Variants in TRRAP observed in about 807,000 individuals in gnomAD.
TRRAP encodes transformation/transcription domain associated protein, also known as transformation/transcription domain-associated protein.
TRRAP carries 41 observed loss-of-function variants against 438.8 expected under a neutral mutation model. The ratio of observed to expected loss-of-function variants is 0.09; its 90% CI spans 0.07 to 0.12. TRRAP has a LOEUF of 0.12. TRRAP is among the 10% of genes least tolerant of loss of function. TRRAP has a pLI of 1.00. For synonymous variants in TRRAP, 1,994 were observed against 1,962.9 expected, an observed-to-expected ratio of 1.02 and a Z score of -0.42; for missense variants, 3,122 against 5,055.1, an observed-to-expected ratio of 0.62 and a Z score of 11.60.
intron 51 of TRRAP, 130 bp from the exon 52 acceptor site, chr7:98,969,975 TGGGAAAG>T: frequency 1.0e-6 from 1 of 990,200 alleles, no homozygotes. Flanking sequence ...TGGGGACAGG[TGGGAAAG>T]GGTGCTGAGC....
In TRRAP at chr7:98,984,886, G is replaced by T. The variant is rs1484302695; in HGVS notation, c.9289-58G>T. 7 of 1,162,192 alleles carry T rather than the reference G, an allele frequency of 6.0e-6. No homozygotes were observed. In the African/African-American group the frequency reaches 1.1e-4, roughly 18 times the overall value. 72.0% of individuals were successfully genotyped at this position (1,162,192 alleles called of 1,614,324 possible). Reference sequence around the variant, plus strand: ...ACTGCCTAGATTAGTATTTTATGAGGTTTTCATATTGTTTAGAAATTTCAA... The same window carrying T: ...ACTGCCTAGATTAGTATTTTATGAGTTTTTCATATTGTTTAGAAATTTCAA... On this transcript the variant is annotated intron_variant, in intron 61 of 72. Coordinates refer to ENST00000456197, the MANE Select transcript of TRRAP (RefSeq NM_001375524.1).
intron 3 of TRRAP, among the ~76,000 whole-genome samples, chr7:98,888,158 A>C (rs1795797639): frequency 6.6e-6 from 1 of 151,638 alleles, no homozygotes; most frequent in African/African-American, 2.4e-5. Context: ...TGAACCTAGG[A>C]GGCAGAGCTT....
intron 41 of TRRAP, 148 bp downstream of exon 41, chr7:98,955,452 T>A (rs1184427109): frequency 3.6e-6 from 3 of 828,026 alleles, no homozygotes; most frequent in Non-Finnish European, 5.5e-6. Flanking sequence ...TGTATGTGTG[T>A]ATGGCTTTAT....
chr7:98,935,453 T>G, intron 27 of TRRAP, 126 bp from the exon 28 acceptor site: 37 of 738,950 alleles, frequency 5.0e-5, no homozygotes, highest in Non-Finnish European at 6.6e-5. Flanking sequence ...CTTTAGGATT[T>G]GAGCTTAGTT....
chr7:98,950,175 A>G lies in TRRAP; in HGVS notation c.5247A>G (p.Lys1749=). The G allele has an allele frequency of 6.2e-7, 1 of 1,614,202 alleles. No individual in the cohort carries two copies. Among genetic ancestry groups the G allele is most frequent in the Non-Finnish European group, 8.5e-7 (1 of 1,180,038 alleles). The change falls in exon 38 of 73, where the codon AAA becomes AAG. Residue 1749 remains lysine (K), a synonymous_variant. Transcript: ENST00000456197. The part of the protein sequence containing the change: ...LKEYMEEEIP[K]NYSIAQKRAL... ...AGTATATGGAGGAAGAGATTCCCAAAAATTACAGCATCGCTCAGAAACGTG... is the reference window on the plus strand; with the variant it reads ...AGTATATGGAGGAAGAGATTCCCAAGAATTACAGCATCGCTCAGAAACGTG...
At chr7:98,923,317 A>G (rs1421436867) in intron 21 of TRRAP, among the ~76,000 whole-genome samples, 1 of 152,176 alleles carries the variant, frequency 6.6e-6, no homozygotes, top group Admixed American at 6.5e-5. Flanking sequence ...GTAGGATCGT[A>G]AAGGTCTGGG....
At chr7:98,927,020 G>C (rs1200557031) in intron 22 of TRRAP, 147 bp from the exon 23 acceptor site, 7 of 865,544 alleles carry the variant, frequency 8.1e-6, no homozygotes, top group African/African-American at 1.7e-5. Flanking sequence ...CTCCATCCAG[G>C]TGTTGCTGAA....
rs1381786592 is a variant in TRRAP, at chr7:98,956,055, T to C, written c.5938-91T>C. ...GTGTATGTTGGGGCTGAGAGGCATG[T>C]CGGGGGTGTGTGTGTGCACGTGCGC... is the stretch of plus-strand genomic sequence containing the variant. On this transcript the variant is annotated intron_variant, in intron 41 of 72. Coordinates refer to ENST00000456197, the MANE Select transcript of TRRAP (RefSeq NM_001375524.1). The surrounding 1 kb of genome is among the most constrained non-coding windows in gnomAD (Gnocchi z 4.5). 9.6e-6 allele frequency: 14 copies of C among 1,458,848 alleles called. No homozygotes were observed. The African/African-American group carries it at 1.8e-4, about 19-fold the overall frequency. 90.4% of individuals were successfully genotyped at this position (1,458,848 alleles called of 1,614,324 possible). A position where few individuals can be genotyped will look rare whatever the true frequency, so the allele number is the denominator to read the frequency against.
In TRRAP at chr7:98,906,164, G is replaced by A. The variant is rs1796718596; in HGVS notation, c.1037-13G>A. The A allele has an allele frequency of 1.2e-6, 2 of 1,612,826 alleles. No homozygotes were observed. Among genetic ancestry groups the A allele is most frequent in the Non-Finnish European group, 1.7e-6 (2 of 1,179,088 alleles). On this transcript the variant is annotated splice_polypyrimidine_tract_variant and intron_variant, in intron 12 of 72. Coordinates refer to ENST00000456197, the MANE Select transcript of TRRAP (RefSeq NM_001375524.1). ...TTTGTTAGTGATCTGTGCAATGGAT[G>A]TTTGTCTTCTAGAGTTCATTCCTTG...
chr7:98,958,432 TG>T (rs1791728184), intron 44 of TRRAP, among the ~76,000 whole-genome samples: 1 of 152,154 alleles, frequency 6.6e-6, no homozygotes, highest in Admixed American at 6.5e-5. Flanking sequence ...CCTGAGTTGC[TG>T]GGATTACAGG....
In TRRAP at chr7:98,981,843, C is replaced by T. The variant is rs755970627; in HGVS notation, c.8709C>T (p.Pro2903=). 6.2e-6 allele frequency: 10 copies of T among 1,606,380 alleles called. No individual in the cohort carries two copies. The highest frequency in any genetic ancestry group is 2.2e-5 in the East Asian group (1 of 44,536). Residue 2903 remains proline, a synonymous_variant, in exon 59 of 73, where the codon CCC becomes CCT. Coordinates refer to ENST00000456197, the MANE Select transcript of TRRAP (RefSeq NM_001375524.1). ...GCGGATACCTGGCCATCTGCCACCCCGAGGAGCAGCAGCTCAGCTTCATCG... is the reference window on the plus strand; with the variant it reads ...GCGGATACCTGGCCATCTGCCACCCTGAGGAGCAGCAGCTCAGCTTCATCG... The part of the protein sequence containing the change: ...MYRGYLAICH[P]EEQQLSFIER...
intron 47 of TRRAP, among the ~76,000 whole-genome samples, chr7:98,964,141 C>T (rs1792050325): frequency 6.6e-6 from 1 of 151,156 alleles, no homozygotes; most frequent in South Asian, 2.1e-4. Flanking sequence ...GTCACAATGC[C>T]AAATATGAAA....
chr7:98,986,072 C>A (rs375138708), intron 62 of TRRAP, among the ~76,000 whole-genome samples: 13 of 152,328 alleles, frequency 8.5e-5, no homozygotes, highest in African/African-American at 2.9e-4. Flanking sequence ...TCTTCTTTCA[C>A]TTAGCAGGAT....
chr7:98,890,781 C>CTT (rs71118642), intron 4 of TRRAP, among the ~76,000 whole-genome samples: 893 of 52,686 alleles, frequency 0.017, 22 homozygotes, highest in South Asian at 0.035. Flanking sequence ...AATGTCAGTT[C>CTT]TTTTTTTTTT....
intron 70 of TRRAP, 92 bp from the exon 71 acceptor site, chr7:99,010,960 C>T: frequency 7.6e-7 from 1 of 1,307,926 alleles, no homozygotes; most frequent in South Asian, 1.4e-5. Context: ...GCTCTTGGTG[C>T]TAAGTTAAAG....
At chr7:98,918,063 G>T (rs1398485210) in intron 20 of TRRAP, among the ~76,000 whole-genome samples, 1 of 151,252 alleles carries the variant, frequency 6.6e-6, no homozygotes, top group Non-Finnish European at 1.5e-5. Context: ...TGAGGCTGCA[G>T]CGAGGCATGA....
At position 98,976,373 on chromosome 7, in the gene TRRAP, C is replaced by A; in HGVS notation, c.7959+105C>A. 1.9e-6 allele frequency: 3 copies of A among 1,573,200 alleles called. No individual in the cohort carries two copies. Among genetic ancestry groups the A allele is most frequent in the Non-Finnish European group, 2.6e-6 (3 of 1,161,724 alleles). On this transcript the variant is annotated intron_variant, in intron 54 of 72. Coordinates refer to ENST00000456197, the MANE Select transcript of TRRAP (RefSeq NM_001375524.1). This position sits in a 1 kb window ranked among gnomAD's most constrained non-coding sequence, Gnocchi z 4.6. ...GAACAAGTTTCAGAAAATGAGGGAA[C>A]CGCTGGCTGTCACTCGAGCGAATTA...
Position 98,889,272 on chromosome 7 carries a change from A to G in TRRAP, c.151-1063A>G, listed in dbSNP as rs1392874508. Among the ~76,000 whole-genome samples, 6 of 152,212 alleles carry G rather than the reference A, an allele frequency of 3.9e-5. No homozygotes were observed. The East Asian group carries it at 9.6e-4, about 24-fold the overall frequency. ...TAATACCCATCTCAGACTAAATGAG[A>G]AAGACTAAAAGGTACACAGCACAGT... On this transcript the variant is annotated intron_variant, in intron 3 of 72. Coordinates refer to ENST00000456197, the MANE Select transcript of TRRAP (RefSeq NM_001375524.1).
intron 48 of TRRAP, 73 bp downstream of exon 48, chr7:98,964,848 G>C: frequency 6.7e-7 from 1 of 1,493,698 alleles, no homozygotes; most frequent in South Asian, 1.4e-5. Flanking sequence ...GTGCAGGCTG[G>C]GGCTGAACTC....
Sources: allele counts gnomAD v4.1 joint callset (sites outside exome capture counted in the v4.1 genomes callset), GRCh38; gene constraint gnomAD v4.1.1; non-coding constraint Gnocchi (gnomAD v3.1); transcripts MANE v1.5; gene names NCBI Gene and HGNC (gene_info 2026-07-23, HGNC 2026-07-21).